NEBL: variants seen among roughly 807,000 people sequenced by gnomAD.
NEBL encodes the protein nebulette, also known as LIM and SH3 protein 2.
In NEBL, 122 loss-of-function variants were observed where a neutral mutation model predicts 140.2. The ratio of observed to expected loss-of-function variants is 0.87; its 90% CI spans 0.75 to 1.01. The LOEUF (loss-of-function observed/expected upper bound fraction) is 1.01. NEBL is among the 50% of genes least tolerant of loss of function. The probability of loss-of-function intolerance (pLI) is 0.00; values close to 1 mark genes in which losing one functional copy is unlikely to be tolerated. For missense variants in NEBL, 1,365 were observed against 1,231.3 expected, an observed-to-expected ratio of 1.11 and a Z score of -1.62; for synonymous variants, 436 against 398.9, an observed-to-expected ratio of 1.09 and a Z score of -1.11.
At chr10:21,282,607 A>T (rs1843006751) in intron 1 of NEBL, among the ~76,000 whole-genome samples, 1 of 152,196 alleles carries the variant, frequency 6.6e-6, no homozygotes, top group African/African-American at 2.4e-5. Flanking sequence ...ATTAATAGGG[A>T]CTGTGCAGTG....
intron 5 of NEBL, among the ~76,000 whole-genome samples, chr10:20,879,166 G>C (rs1411405759): frequency 6.6e-6 from 1 of 152,150 alleles, no homozygotes; most frequent in African/African-American, 2.4e-5. Context: ...TTGACTAATT[G>C]ACAGTAACCT....
intron 4 of NEBL, among the ~76,000 whole-genome samples, chr10:20,936,532 T>A (rs1834496155): frequency 6.6e-6 from 1 of 152,318 alleles, no homozygotes; most frequent in Non-Finnish European, 1.5e-5. Context: ...CTATGTCTGT[T>A]CCCCACTTCC....
intron 5 of NEBL, among the ~76,000 whole-genome samples, chr10:20,874,699 C>T (rs1046072060): frequency 2.6e-5 from 4 of 152,076 alleles, no homozygotes; most frequent in African/African-American, 4.8e-5. Flanking sequence ...ATTTCCGTCA[C>T]GAAATCTAGA....
intron 2 of NEBL, among the ~76,000 whole-genome samples, chr10:21,047,079 T>C (rs140154452): frequency 3.3e-5 from 5 of 152,342 alleles, no homozygotes; most frequent in Admixed American, 6.5e-5. Flanking sequence ...GTTACTGCCA[T>C]GCAGACTTTC....
chr10:21,269,436 C>T (rs1391072507), intron 1 of NEBL, among the ~76,000 whole-genome samples: 5 of 152,182 alleles, frequency 3.3e-5, no homozygotes, highest in Non-Finnish European at 7.3e-5. Flanking sequence ...GAAATAGTCT[C>T]GATGAGCACA....
chr10:21,067,816 A>G (rs1039472631), intron 2 of NEBL, among the ~76,000 whole-genome samples: 1 of 151,726 alleles, frequency 6.6e-6, no homozygotes, highest in Non-Finnish European at 1.5e-5. Context: ...GTCTCTACCA[A>G]AAAAAAATTA....
intron 2 of NEBL, among the ~76,000 whole-genome samples, chr10:21,158,985 C>T (rs1840445516): frequency 6.6e-6 from 1 of 152,126 alleles, no homozygotes; most frequent in African/African-American, 2.4e-5. Context: ...TGGTTTTGAG[C>T]TTTTCTGATC....
chr10:21,241,406 T>G (rs1272920373), intron 3 of NEBL, among the ~76,000 whole-genome samples: 9 of 152,116 alleles, frequency 5.9e-5, no homozygotes, highest in Admixed American at 5.9e-4. Flanking sequence ...GGCGCATCTG[T>G]GGCTGTTCTG....
intron 2 of NEBL, among the ~76,000 whole-genome samples, chr10:21,166,209 G>C (rs544457314): frequency 9.1e-6 from 1 of 110,322 alleles, no homozygotes; most frequent in South Asian, 3.3e-4. Flanking sequence ...GACAGAGCGA[G>C]ACTGTGTCTC....
At chr10:20,990,289 C>A (rs1199928106) in intron 3 of NEBL, among the ~76,000 whole-genome samples, 1 of 152,202 alleles carries the variant, frequency 6.6e-6, no homozygotes, top group Non-Finnish European at 1.5e-5. Flanking sequence ...ACAACACTTA[C>A]AGCTATGTTT....
At chr10:21,100,534 G>C (rs540855796) in intron 2 of NEBL, among the ~76,000 whole-genome samples, 7 of 152,148 alleles carry the variant, frequency 4.6e-5, no homozygotes, top group African/African-American at 1.7e-4. Context: ...GTGAACCCTG[G>C]GGGGCTGACC....
At chr10:20,902,141 C>T (rs59843794), upstream of NEBL, among the ~76,000 whole-genome samples, 16,227 of 152,098 alleles carry the variant, frequency 0.11, 1,013 homozygotes, top group Admixed American at 0.16. Flanking sequence ...CGGTGGCTCA[C>T]GCTTGTAATC....
chr10:21,211,774 G>A (rs895118780), intron 3 of NEBL, among the ~76,000 whole-genome samples: 1 of 152,176 alleles, frequency 6.6e-6, no homozygotes, highest in African/African-American at 2.4e-5. Context: ...AGATCCTTTT[G>A]TTGGGGAAGG....
chr10:20,812,704 C>G (rs1838280342), intron 24 of NEBL, 65 bp downstream of exon 24: 1 of 1,592,252 alleles, frequency 6.3e-7, no homozygotes, highest in Non-Finnish European at 8.6e-7. Context: ...GAGGGTAATT[C>G]TGAAGCTAGA....
chr10:21,217,016 A>G (rs1842002433), intron 3 of NEBL, among the ~76,000 whole-genome samples: 1 of 152,132 alleles, frequency 6.6e-6, no homozygotes, highest in South Asian at 2.1e-4. Flanking sequence ...TACTTTTGCT[A>G]ATTTTACTAA....
chr10:21,103,506 C>T (rs1268410756), intron 2 of NEBL, among the ~76,000 whole-genome samples: 2 of 152,176 alleles, frequency 1.3e-5, no homozygotes, highest in Non-Finnish European at 2.9e-5. Flanking sequence ...AGCCACCGCA[C>T]CAGGCCTTTT....
In NEBL at chr10:21,076,490, C is replaced by G. The variant is rs543151226; in HGVS notation, c.165-56289G>C. Among the ~76,000 whole-genome samples the G allele has an allele frequency of 2.0e-5, 3 of 146,926 alleles. No homozygotes were observed. In the South Asian group the frequency reaches 6.6e-4, roughly 32 times the overall value. ...AAAAAAAAAAGAATTACCACACAAC[C>G]CAACAATTCTACTTGTGGGCATATA... On this transcript the variant is annotated intron_variant, in intron 2 of 6. Coordinates refer to the NEBL transcript ENST00000417816.
chr10:21,229,485 G>C (rs1199247490), intron 3 of NEBL, among the ~76,000 whole-genome samples: 1 of 152,132 alleles, frequency 6.6e-6, no homozygotes, highest in African/African-American at 2.4e-5. Context: ...TGTTTAAAAA[G>C]GCAGCATGAA....
chr10:20,932,292 C>A (rs1034406307), intron 4 of NEBL, among the ~76,000 whole-genome samples: 2 of 152,112 alleles, frequency 1.3e-5, no homozygotes, highest in African/African-American at 4.8e-5. Flanking sequence ...AGCTGGAAGC[C>A]ATCATTCTCA....
Sources: gnomAD v4.1 joint callset for allele counts (sites outside exome capture counted in the v4.1 genomes callset) on GRCh38, gnomAD v4.1.1 for gene constraint, MANE v1.5 for transcripts, NCBI Gene and HGNC (gene_info 2026-07-23, HGNC 2026-07-21) for gene names.